Variants in TBC1D16 observed in about 807,000 individuals in gnomAD.
TBC1D16 encodes CTD-2529O21.1.
A neutral mutation model predicts 74.7 loss-of-function variants in TBC1D16; 58 were observed. That is an observed-to-expected ratio of 0.78 (90% CI 0.63 to 0.97). TBC1D16 has a LOEUF of 0.97. Ranked by LOEUF, TBC1D16 falls within the 50% of genes least tolerant of loss-of-function variation. The probability of loss-of-function intolerance (pLI) is 0.00; values close to 1 mark genes in which losing one functional copy is unlikely to be tolerated. For synonymous variants in TBC1D16, 493 were observed against 474.7 expected (o/e 1.04, Z -0.50); for missense variants, 1,014 against 1,079.5 (o/e 0.94, Z 0.85).
Position 79,949,788 on chromosome 17 carries a change from C to T in TBC1D16, c.1335G>A (p.Glu445=), listed in dbSNP as rs1350144017. The T allele has an allele frequency of 6.2e-7, 1 of 1,613,790 alleles. No homozygotes were observed. Among genetic ancestry groups the T allele is most frequent in the Non-Finnish European group, 8.5e-7 (1 of 1,179,970 alleles). ...GCGCCTCCCGCTCCTCCGACGTGGA[C>T]TCGTGGCTGTAATAGCGCAGCAGGA... ...WPFLLRYYSH[E]STSEEREALR... The change falls in exon 7 of 12, where the codon GAG becomes GAA. Residue 445 remains glutamate (E), a synonymous_variant. Coordinates refer to ENST00000310924, the MANE Select transcript of TBC1D16 (RefSeq NM_019020.4).
At chr17:80,014,459 G>GA (rs991076063) in intron 1 of TBC1D16, among the ~76,000 whole-genome samples, 2 of 152,014 alleles carry the variant, frequency 1.3e-5, no homozygotes, top group African/African-American at 4.8e-5. Context: ...CATCTCAACA[G>GA]AAAAAAATGG....
At chr17:79,958,498 G>T (rs12449594) in intron 3 of TBC1D16, among the ~76,000 whole-genome samples, 3 of 152,106 alleles carry the variant, frequency 2.0e-5, no homozygotes, top group African/African-American at 7.2e-5. Flanking sequence ...GATCACAGGC[G>T]TGAGCCACCG....
At chr17:79,969,124 C>T (rs970464326) in intron 3 of TBC1D16, among the ~76,000 whole-genome samples, 21 of 152,170 alleles carry the variant, frequency 1.4e-4, no homozygotes, top group African/African-American at 3.6e-4. Context: ...TGGTGGCTCA[C>T]GCCTGTAATC....
At chr17:80,023,665 C>CA (rs1484257196) in intron 1 of TBC1D16, among the ~76,000 whole-genome samples, 4 of 142,752 alleles carry the variant, frequency 2.8e-5, no homozygotes, top group Non-Finnish European at 6.1e-5. Flanking sequence ...GGGCCCCCCC[C>CA]CACCGGCTCA....
At position 79,940,783 on chromosome 17, in the gene TBC1D16, C is replaced by A. The variant is rs1456757381; in HGVS notation, c.*76G>T. 2.2e-5 allele frequency: 32 copies of A among 1,429,356 alleles called. No homozygotes were observed. Among genetic ancestry groups the A allele is most frequent in the Non-Finnish European group, 2.9e-5 (31 of 1,082,906 alleles). 88.5% of individuals were successfully genotyped at this position (1,429,356 alleles called of 1,614,324 possible). On this transcript the variant is annotated 3_prime_UTR_variant, in exon 12 of 12. Transcript: ENST00000310924. The surrounding 1 kb of genome is among the most constrained non-coding windows in gnomAD (Gnocchi z 5.4). ...TCTACCGTCCCCTGTCCCCTTCACG[C>A]CCAGCCCCACCCCCTCCCGTGCCCA...
chr17:80,027,204 G>A (rs1016366638), intron 1 of TBC1D16, among the ~76,000 whole-genome samples: 1 of 152,222 alleles, frequency 6.6e-6, no homozygotes, highest in African/African-American at 2.4e-5. Flanking sequence ...GCTCATGTCT[G>A]CAATCCTAAC....
intron 7 of TBC1D16, 139 bp from the exon 8 acceptor site, chr17:79,949,145 A>G (rs565397426): frequency 6.4e-6 from 7 of 1,092,042 alleles, no homozygotes; most frequent in Non-Finnish European, 9.3e-6. Flanking sequence ...CCGGCTGCAG[A>G]CCCTCCCCGG....
intron 1 of TBC1D16, among the ~76,000 whole-genome samples, chr17:80,024,592 C>CCATAGGCACACACACCACACACCAAA (rs796463708): frequency 8.6e-6 from 1 of 116,000 alleles, no homozygotes; most frequent in African/African-American, 3.3e-5. Context: ...ACACCACACA[C>CCATAGGCACACACACCACACACCAAA]CACACACCAT....
chr17:79,952,927 C>T, intron 3 of TBC1D16, 109 bp from the exon 4 acceptor site: 1 of 1,322,536 alleles, frequency 7.6e-7, no homozygotes, highest in Non-Finnish European at 1.0e-6. Flanking sequence ...CAAGCTTAAA[C>T]ACACATACAG....
At chr17:79,942,780 A>G (rs940010332) in intron 10 of TBC1D16, among the ~76,000 whole-genome samples, 2 of 152,222 alleles carry the variant, frequency 1.3e-5, no homozygotes, top group South Asian at 4.1e-4. Flanking sequence ...AGATCCTAAC[A>G]GAGCGGGCAC....
intron 3 of TBC1D16, among the ~76,000 whole-genome samples, chr17:79,989,487 A>T (rs2034979672): frequency 6.6e-6 from 1 of 152,200 alleles, no homozygotes; most frequent in South Asian, 2.1e-4. Context: ...CAGGATGAAA[A>T]GCCACGGTTC....
rs372939208 is a variant in TBC1D16, at chr17:79,985,409, G to A, written c.779+24751C>T. 2.8e-4 allele frequency among the ~76,000 whole-genome samples: 42 copies of A among 152,334 alleles called. No homozygotes were observed. In the South Asian group the frequency reaches 8.1e-3, roughly 29 times the overall value. ...GGAAGGGAGTCACTATCCAGGCCACGGCAGACACAGTTCCCCGAAACTGAA... is the reference window on the plus strand; with the variant it reads ...GGAAGGGAGTCACTATCCAGGCCACAGCAGACACAGTTCCCCGAAACTGAA... On this transcript the variant is annotated intron_variant, in intron 3 of 11. Transcript: ENST00000310924. This position sits in a 1 kb window ranked among gnomAD's most constrained non-coding sequence, Gnocchi z 4.9.
chr17:79,945,712 T>TGCCATGAGCC (rs1180616269), intron 9 of TBC1D16, among the ~76,000 whole-genome samples: 3 of 152,238 alleles, frequency 2.0e-5, no homozygotes, highest in African/African-American at 7.2e-5. Flanking sequence ...AGCCATGCGC[T>TGCCATGAGCC]GCCATGAGCC....
At position 79,975,024 on chromosome 17, in the gene TBC1D16, C is replaced by T. The variant is rs1278713642; in HGVS notation, c.780-22206G>A. Among the ~76,000 whole-genome samples the T allele has an allele frequency of 4.6e-5, 7 of 152,184 alleles. No homozygotes were observed. The highest frequency in any genetic ancestry group is 1.0e-4 in the Non-Finnish European group (7 of 68,038). On this transcript the variant is annotated intron_variant, in intron 3 of 11. Coordinates refer to ENST00000310924, the MANE Select transcript of TBC1D16 (RefSeq NM_019020.4). This position sits in a 1 kb window ranked among gnomAD's most constrained non-coding sequence, Gnocchi z 4.5. Reference sequence around the variant, plus strand: ...ACTGCGCCCTCTATAGGTAAGAAGGCCCAAGGAAGAAGCCCTCTGCTCCGT... The same window carrying T: ...ACTGCGCCCTCTATAGGTAAGAAGGTCCAAGGAAGAAGCCCTCTGCTCCGT...
intron 1 of TBC1D16, among the ~76,000 whole-genome samples, chr17:80,027,455 C>G (rs980926060): frequency 2.2e-4 from 34 of 152,096 alleles, no homozygotes; most frequent in African/African-American, 8.2e-4. Flanking sequence ...AAAAATTAGC[C>G]AGGCTTGGTG....
chr17:80,023,538 G>A (rs1159101607), intron 1 of TBC1D16, among the ~76,000 whole-genome samples: 1 of 150,208 alleles, frequency 6.7e-6, no homozygotes, highest in Non-Finnish European at 1.5e-5. Context: ...GGCCACTGCT[G>A]AAAGAGACGC....
chr17:80,025,086 GACACACACACACCATAT>G (rs2036514024), intron 1 of TBC1D16, among the ~76,000 whole-genome samples: 5 of 5,174 alleles, frequency 9.7e-4, no homozygotes, highest in Admixed American at 2.2e-3. Flanking sequence ...CACATACCAT[GACACACACACACCATAT>G]ACACACAAAC....
At position 80,007,947 on chromosome 17, in the gene TBC1D16, G is replaced by A. The variant is rs1045516950; in HGVS notation, c.779+2213C>T. On this transcript the variant is annotated intron_variant, in intron 3 of 11. Coordinates refer to ENST00000310924, the MANE Select transcript of TBC1D16 (RefSeq NM_019020.4). This position sits in a 1 kb window ranked among gnomAD's most constrained non-coding sequence, Gnocchi z 4.5. ...TGGGTCCCAGGCAGAGGGACAGCCT[G>A]GCTTCCAGAGTGAGTGCACAGCACG... Among the ~76,000 whole-genome samples the A allele has an allele frequency of 6.6e-6, 1 of 151,950 alleles. No individual in the cohort carries two copies. Among genetic ancestry groups the A allele is most frequent in the African/African-American group, 2.4e-5 (1 of 41,346 alleles).
At chr17:79,943,442 G>T (rs575121395) in intron 10 of TBC1D16, among the ~76,000 whole-genome samples, 1 of 152,170 alleles carries the variant, frequency 6.6e-6, no homozygotes, top group Non-Finnish European at 1.5e-5. Context: ...CCCACCACAT[G>T]CTGACAGCGG....
Sources: allele counts gnomAD v4.1 joint callset (sites outside exome capture counted in the v4.1 genomes callset), GRCh38; gene constraint gnomAD v4.1.1; non-coding constraint Gnocchi (gnomAD v3.1); transcripts MANE v1.5; gene names NCBI Gene and HGNC (gene_info 2026-07-23, HGNC 2026-07-21).